PPP2R5A: variants seen among roughly 807,000 people sequenced by gnomAD.
PPP2R5A encodes the protein protein phosphatase 2 regulatory subunit B'alpha.
PPP2R5A carries 25 observed loss-of-function variants against 64.2 expected under a neutral mutation model. That is an observed-to-expected ratio of 0.39 (90% CI 0.28 to 0.54). The LOEUF is 0.54. Ranked by LOEUF, PPP2R5A falls within the 20% of genes least tolerant of loss-of-function variation. PPP2R5A has a pLI of 0.67. For synonymous variants in PPP2R5A, 198 were observed against 201.2 expected, an observed-to-expected ratio of 0.98 and a Z score of 0.13; for missense variants, 425 against 576.3, an observed-to-expected ratio of 0.74 and a Z score of 2.69.
At chr1:212,320,739 T>A (rs1282610435) in intron 1 of PPP2R5A, among the ~76,000 whole-genome samples, 2 of 135,942 alleles carry the variant, frequency 1.5e-5, no homozygotes, top group African/African-American at 2.7e-5. Flanking sequence ...GAGGGGCTCC[T>A]CTCTTCCCAG....
At chr1:212,291,070 T>C (rs1225025020) in intron 1 of PPP2R5A, among the ~76,000 whole-genome samples, 3 of 152,222 alleles carry the variant, frequency 2.0e-5, no homozygotes, top group Admixed American at 6.5e-5. Context: ...AGCACTGTGG[T>C]TCCCAATCCT....
intron 4 of PPP2R5A, among the ~76,000 whole-genome samples, chr1:212,344,365 T>C (rs966748924): frequency 1.3e-5 from 2 of 152,228 alleles, no homozygotes; most frequent in African/African-American, 4.8e-5. Flanking sequence ...TGGAGTCTCA[T>C]GAGGGCCTTA....
chr1:212,356,780 C>T (rs1175906054), intron 9 of PPP2R5A, 104 bp downstream of exon 9: 13 of 1,367,822 alleles, frequency 9.5e-6, no homozygotes, highest in Non-Finnish European at 1.2e-5. Context: ...TGCTAAAGAG[C>T]GGGAGATGTA....
chr1:212,350,524 CAG>C (rs1659856611), intron 8 of PPP2R5A, among the ~76,000 whole-genome samples: 1 of 151,234 alleles, frequency 6.6e-6, no homozygotes, highest in East Asian at 2.0e-4. Flanking sequence ...CATGGTGGCA[CAG>C]GCCTGTGGTC....
chr1:212,313,969 A>C (rs12035647), intron 1 of PPP2R5A, among the ~76,000 whole-genome samples: 45,411 of 152,162 alleles, frequency 0.3, 7,342 homozygotes, highest in Non-Finnish European at 0.37. Context: ...GTATAGATTC[A>C]TTGGGGGAAA....
intron 3 of PPP2R5A, among the ~76,000 whole-genome samples, chr1:212,341,749 TTTTCAGA>T (rs1331516166): frequency 6.6e-6 from 1 of 151,712 alleles, no homozygotes; most frequent in African/African-American, 2.4e-5. Context: ...ATTTATTTAT[TTTTCAGA>T]CAGAGTCTCA....
chr1:212,360,894 G>A lies in PPP2R5A; in HGVS notation c.*124G>A. 1.1e-6 allele frequency: 1 copy of A among 918,436 alleles called. No individual in the cohort carries two copies. 56.9% of individuals were successfully genotyped at this position (918,436 alleles called of 1,614,324 possible). A position where few individuals can be genotyped will look rare whatever the true frequency, so the allele number is the denominator to read the frequency against. ...AAAAGGCCAATTTTTTCTGGCAACT[G>A]TAAATGGAAAAATATATGGACTAAA... On this transcript the variant is annotated 3_prime_UTR_variant, in exon 13 of 13. Coordinates refer to ENST00000261461, the MANE Select transcript of PPP2R5A (RefSeq NM_006243.4).
intron 3 of PPP2R5A, among the ~76,000 whole-genome samples, chr1:212,337,579 G>A (rs1455083107): frequency 6.6e-6 from 1 of 152,066 alleles, no homozygotes; most frequent in African/African-American, 2.4e-5. Context: ...ATCCAAAATG[G>A]TAGGAATCAT....
At chr1:212,351,222 G>C (rs1659874079) in intron 8 of PPP2R5A, among the ~76,000 whole-genome samples, 1 of 152,046 alleles carries the variant, frequency 6.6e-6, no homozygotes, top group African/African-American at 2.4e-5. Context: ...AGGATGAGGA[G>C]AGAGAGTAAG....
At chr1:212,312,880 A>T (rs1659064383) in intron 1 of PPP2R5A, among the ~76,000 whole-genome samples, 1 of 152,218 alleles carries the variant, frequency 6.6e-6, no homozygotes, top group African/African-American at 2.4e-5. Context: ...AGATATTTTG[A>T]TAATGTGGGA....
At position 212,333,579 on chromosome 1, in the gene PPP2R5A, C is replaced by T. The variant is rs1196405048; in HGVS notation, c.461C>T (p.Ala154Val). 2 of 1,558,210 alleles carry T rather than the reference C, an allele frequency of 1.3e-6. No homozygotes were observed. The highest frequency in any genetic ancestry group is 2.3e-5 in the East Asian group (1 of 44,188). The change falls in exon 3 of 13, where the codon GCC (alanine) becomes GTC (valine). Residue 154 changes from alanine to valine, a missense_variant. This residue lies in a region of PPP2R5A where 140 missense variants were observed against 204.4 expected (regional missense o/e 0.68). Coordinates refer to ENST00000261461, the MANE Select transcript of PPP2R5A (RefSeq NM_006243.4). ...DPEEDEPTLE[A>V]SWPHIQLVYE... Reference sequence around the variant, plus strand: ...GAAGAGGATGAACCCACGCTTGAGGCCTCTTGGCCTCACATACAGGTATGG... The same window carrying T: ...GAAGAGGATGAACCCACGCTTGAGGTCTCTTGGCCTCACATACAGGTATGG...
chr1:212,324,603 A>ATT (rs112302137), intron 1 of PPP2R5A, among the ~76,000 whole-genome samples: 5 of 143,478 alleles, frequency 3.5e-5, no homozygotes, highest in Non-Finnish European at 6.2e-5. Context: ...ATTATGATTA[A>ATT]TTTTTTTTTT....
At chr1:212,306,512 T>G (rs752234792) in intron 1 of PPP2R5A, among the ~76,000 whole-genome samples, 2 of 152,222 alleles carry the variant, frequency 1.3e-5, no homozygotes, top group African/African-American at 2.4e-5. Context: ...AAAAGTTTTC[T>G]GTATATGTCA....
rs1466546764 is a variant in PPP2R5A, at chr1:212,299,090, G to C, written c.181+12799G>C. Among the ~76,000 whole-genome samples, 4 of 26,428 alleles carry C rather than the reference G, an allele frequency of 1.5e-4. 1 individual carries two copies. The highest frequency in any genetic ancestry group is 4.9e-4 in the African/African-American group (1 of 2,048). The allele number at this position is 26,428 out of a possible 152,430, so 17.3% of individuals were successfully genotyped here. Reference sequence around the variant, plus strand: ...CCTCCCGGACGGGGCGGCTGGCCGGGCAGAGGGGCTCCTCACTTCCCAGTA... The same window carrying C: ...CCTCCCGGACGGGGCGGCTGGCCGGCCAGAGGGGCTCCTCACTTCCCAGTA... On this transcript the variant is annotated intron_variant, in intron 1 of 12. Transcript: ENST00000261461.
chr1:212,297,643 T>A (rs1389744569), intron 1 of PPP2R5A: 1 of 152,218 alleles, frequency 6.6e-6, no homozygotes, highest in Non-Finnish European at 1.5e-5. Context: ...TAAGACCTGT[T>A]AAAGCAAGGG....
In PPP2R5A at chr1:212,322,138, G is replaced by A. The variant is rs553971949; in HGVS notation, c.182-6997G>A. Among the ~76,000 whole-genome samples, 60 of 151,384 alleles carry A rather than the reference G, an allele frequency of 4.0e-4. 3 individuals carry two copies. The South Asian group carries it at 0.013, about 32-fold the overall frequency. ...GTTGCAGTGAGCCGAGATGGCAGCA[G>A]TACAGTCCAGCTTTGGCTCAGCATC... On this transcript the variant is annotated intron_variant, in intron 1 of 12. Coordinates refer to ENST00000261461, the MANE Select transcript of PPP2R5A (RefSeq NM_006243.4).
At chr1:212,314,024 T>G (rs113717551) in intron 1 of PPP2R5A, among the ~76,000 whole-genome samples, 130 of 152,382 alleles carry the variant, frequency 8.5e-4, no homozygotes, top group African/African-American at 3.0e-3. Context: ...CTCCATTTAT[T>G]TATCTCTTTC....
intron 1 of PPP2R5A, among the ~76,000 whole-genome samples, chr1:212,296,139 T>A (rs1316638632): frequency 6.6e-6 from 1 of 152,026 alleles, no homozygotes; most frequent in Non-Finnish European, 1.5e-5. Flanking sequence ...GGCAGAGGTG[T>A]AGGAGTCAAG....
At chr1:212,315,696 A>G (rs751996317) in intron 1 of PPP2R5A, among the ~76,000 whole-genome samples, 2 of 152,244 alleles carry the variant, frequency 1.3e-5, no homozygotes, top group African/African-American at 4.8e-5. Context: ...TGAAGTATAC[A>G]TACAAGTACA....
Sources: allele counts gnomAD v4.1 joint callset (sites outside exome capture counted in the v4.1 genomes callset), GRCh38; gene constraint gnomAD v4.1.1; regional missense constraint gnomAD v4.1.1; transcripts MANE v1.5; gene names NCBI Gene and HGNC (gene_info 2026-07-23, HGNC 2026-07-21).